Variants in VPS13B observed in about 807,000 individuals in gnomAD.
The protein encoded by VPS13B is vacuolar protein sorting 13 homolog B.
Under a neutral mutation model 426.4 loss-of-function variants are expected in VPS13B, and 285 were observed. The observed-to-expected ratio is 0.67, with a 90% CI of 0.61 to 0.74. VPS13B has a LOEUF of 0.74. Among genes scored for constraint, VPS13B ranks in the 30% least tolerant of loss-of-function variants. The pLI, the probability that VPS13B is intolerant of heterozygous loss-of-function variation, is 0.00. For synonymous variants in VPS13B, 1,676 were observed against 1,676.4 expected (o/e 1.00, Z 0.01); for missense variants, 4,537 against 4,782.6 (o/e 0.95, Z 1.51).
intron 23 of VPS13B, among the ~76,000 whole-genome samples, chr8:99,443,298 C>T (rs775986454): frequency 2.0e-5 from 3 of 152,030 alleles, no homozygotes; most frequent in African/African-American, 4.8e-5. Flanking sequence ...AGGTCAACAC[C>T]TTGTTCATAT....
intron 39 of VPS13B, among the ~76,000 whole-genome samples, chr8:99,739,020 C>T (rs376943848): frequency 6.6e-5 from 10 of 152,170 alleles, no homozygotes; most frequent in African/African-American, 1.4e-4. Context: ...CAAAGCAGGG[C>T]GAGGCATCGC....
intron 43 of VPS13B, among the ~76,000 whole-genome samples, chr8:99,807,036 G>GT (rs953830033): frequency 6.6e-6 from 1 of 152,196 alleles, no homozygotes; most frequent in Non-Finnish European, 1.5e-5. Flanking sequence ...ATATTTAGAT[G>GT]TTTTTTAACA....
intron 3 of VPS13B, among the ~76,000 whole-genome samples, chr8:99,083,602 A>G (rs1439943715): frequency 7.1e-6 from 1 of 141,456 alleles, no homozygotes; most frequent in East Asian, 2.0e-4. Flanking sequence ...TTTGTCATAG[A>G]TAGCTCTTAT....
At chr8:99,180,036 A>T (rs981911394) in intron 16 of VPS13B, among the ~76,000 whole-genome samples, 3 of 152,198 alleles carry the variant, frequency 2.0e-5, no homozygotes. Flanking sequence ...AAAGTTATTA[A>T]TTACATATAT....
intron 19 of VPS13B, among the ~76,000 whole-genome samples, chr8:99,353,923 A>G (rs761719706): frequency 3.9e-5 from 6 of 152,098 alleles, no homozygotes; most frequent in African/African-American, 1.2e-4. Flanking sequence ...TTTGCATTCT[A>G]TAAAGCTTTA....
At chr8:99,194,053 A>T (rs887248900) in intron 17 of VPS13B, among the ~76,000 whole-genome samples, 7 of 152,194 alleles carry the variant, frequency 4.6e-5, no homozygotes, top group African/African-American at 1.4e-4. Context: ...TAATCACATG[A>T]GGTCAGGCGT....
intron 15 of VPS13B, among the ~76,000 whole-genome samples, chr8:99,162,907 G>T (rs1588102381): frequency 6.6e-6 from 1 of 152,160 alleles, no homozygotes; most frequent in Non-Finnish European, 1.5e-5. Flanking sequence ...GAGCTGAGTG[G>T]CCTGTTTTGT....
intron 23 of VPS13B, among the ~76,000 whole-genome samples, chr8:99,448,618 G>A (rs1027442244): frequency 1.3e-5 from 2 of 152,100 alleles, no homozygotes; most frequent in Non-Finnish European, 2.9e-5. Flanking sequence ...CAGCCCTTCT[G>A]GTTTCAGTGT....
At chr8:99,381,557 G>A (rs921693857) in intron 19 of VPS13B, among the ~76,000 whole-genome samples, 4 of 151,942 alleles carry the variant, frequency 2.6e-5, no homozygotes, top group Non-Finnish European at 4.4e-5. Flanking sequence ...CCACAATCTC[G>A]CCAACATCTG....
chr8:99,699,707 C>T lies in VPS13B; in HGVS notation c.6229C>T (p.Arg2077Cys), dbSNP rs780180063. 24 of 1,613,942 alleles carry T rather than the reference C, an allele frequency of 1.5e-5. No homozygotes were observed. The highest frequency in any genetic ancestry group is 1.7e-5 in the Non-Finnish European group (20 of 1,180,034). ...TGATCTTCCAGTCTCCAAATATTAC[C>T]GTGGAAAGTTGTCTAAACCCAAAAT... ...KDDLPVSKYY[R>C]GKLSKPKIHG... Residue 2077 changes from arginine to cysteine, a missense_variant, in exon 36 of 62, where the codon CGT becomes TGT. Physicochemically the swap from Arg to Cys is radical, Grantham distance 180 (BLOSUM62 -3). Coordinates refer to ENST00000357162, the MANE Select transcript of VPS13B (RefSeq NM_152564.5).
intron 3 of VPS13B, among the ~76,000 whole-genome samples, chr8:99,056,053 T>G (rs998820643): frequency 2.0e-5 from 3 of 151,588 alleles, no homozygotes; most frequent in African/African-American, 7.3e-5. Flanking sequence ...GAGTTGATCT[T>G]TTTTGTTTGT....
intron 39 of VPS13B, among the ~76,000 whole-genome samples, chr8:99,734,817 C>A (rs1833755777): frequency 6.6e-6 from 1 of 151,964 alleles, no homozygotes; most frequent in Admixed American, 6.6e-5. Context: ...CATCTGGAGG[C>A]AGAATAAACA....
rs370114438 is a variant in VPS13B, at chr8:99,082,146, G to C, written c.292-14166G>C. 4.0e-3 allele frequency among the ~76,000 whole-genome samples: 610 copies of C among 152,164 alleles called. 1 individual carries two copies. The highest frequency in any genetic ancestry group is 6.6e-3 in the Non-Finnish European group (448 of 67,982). On this transcript the variant is annotated intron_variant, in intron 3 of 61. Transcript: ENST00000357162. The stretch of plus-strand genomic sequence containing the variant: ...CTGTTGTTTCCTGACTTTTTAATGA[G>C]TGCCATTCTAACTGGTATGAGATGG...
At chr8:99,741,456 G>T (rs1809719945) in intron 39 of VPS13B, among the ~76,000 whole-genome samples, 1 of 152,184 alleles carries the variant, frequency 6.6e-6, no homozygotes, top group Non-Finnish European at 1.5e-5. Context: ...ATTGAACTCA[G>T]CTGTGCACCA....
At chr8:99,639,680 T>G (rs552307975) in intron 33 of VPS13B, among the ~76,000 whole-genome samples, 1 of 147,896 alleles carries the variant, frequency 6.8e-6, no homozygotes, top group Non-Finnish European at 1.5e-5. Flanking sequence ...AAAAATATGT[T>G]TTTTTTTACC....
At chr8:99,130,043 A>T (rs1809694714) in intron 8 of VPS13B, among the ~76,000 whole-genome samples, 1 of 152,222 alleles carries the variant, frequency 6.6e-6, no homozygotes. Context: ...GCAAACAACA[A>T]CAAAACAAAA....
intron 3 of VPS13B, among the ~76,000 whole-genome samples, chr8:99,078,365 C>T (rs1166279103): frequency 6.7e-6 from 1 of 148,294 alleles, no homozygotes; most frequent in Non-Finnish European, 1.5e-5. Flanking sequence ...TTGTAGGGTG[C>T]TTTGTCTTTG....
At chr8:99,675,429 C>T (rs1037337983) in intron 35 of VPS13B, among the ~76,000 whole-genome samples, 13 of 152,006 alleles carry the variant, frequency 8.6e-5, no homozygotes, top group Admixed American at 5.9e-4. Flanking sequence ...TTTGGGTAAT[C>T]TTATTTGGAT....
chr8:99,503,180 A>G (rs1443364341), intron 27 of VPS13B, among the ~76,000 whole-genome samples: 2 of 152,214 alleles, frequency 1.3e-5, no homozygotes, highest in East Asian at 1.9e-4. Flanking sequence ...TGTTTACACT[A>G]TACTGCAGTC....
Sources: gnomAD v4.1 joint callset for allele counts (sites outside exome capture counted in the v4.1 genomes callset) on GRCh38, gnomAD v4.1.1 for gene constraint, MANE v1.5 for transcripts, NCBI Gene and HGNC (gene_info 2026-07-23, HGNC 2026-07-21) for gene names.